Variants in LPP observed in about 807,000 individuals in gnomAD.
LPP encodes LIM domain containing preferred translocation partner in lipoma, also known as lipoma-preferred partner.
Under a neutral mutation model 60.4 loss-of-function variants are expected in LPP, and 38 were observed. That is an observed-to-expected ratio of 0.63 (90% CI 0.49 to 0.83). LPP has a LOEUF of 0.83. Ranked by LOEUF, LPP falls within the 40% of genes least tolerant of loss-of-function variation. The pLI is 0.00. For missense variants in LPP, 902 were observed against 783.6 expected, an observed-to-expected ratio of 1.15 and a Z score of -1.80; for synonymous variants, 328 against 290.8, an observed-to-expected ratio of 1.13 and a Z score of -1.30.
intron 5 of LPP, among the ~76,000 whole-genome samples, chr3:188,485,668 G>A (rs1437356754): frequency 6.6e-6 from 1 of 150,426 alleles, no homozygotes; most frequent in Non-Finnish European, 1.5e-5. Context: ...GTAGTGGCGG[G>A]CGCCTGTAGT....
intron 3 of LPP, among the ~76,000 whole-genome samples, chr3:188,403,343 A>G (rs1283750876): frequency 6.6e-6 from 1 of 152,216 alleles, no homozygotes; most frequent in African/African-American, 2.4e-5. Context: ...AAAAATGTGA[A>G]TCTTTGCTTA....
intron 6 of LPP, among the ~76,000 whole-genome samples, chr3:188,605,338 G>A (rs1842186892): frequency 6.6e-6 from 1 of 152,152 alleles, no homozygotes; most frequent in South Asian, 2.1e-4. Context: ...GGAGCAACAG[G>A]ATTTAGTTCT....
chr3:188,421,999 G>T (rs769093923), intron 4 of LPP, among the ~76,000 whole-genome samples: 4 of 152,156 alleles, frequency 2.6e-5, no homozygotes, highest in Non-Finnish European at 5.9e-5. Context: ...AACACTGTTG[G>T]CAGGGGAAGT....
intron 6 of LPP, among the ~76,000 whole-genome samples, chr3:188,548,173 G>A (rs75421995): frequency 3.6e-4 from 55 of 152,296 alleles, no homozygotes; most frequent in African/African-American, 1.3e-3. Context: ...AGGCGATATG[G>A]TGTGGTAGAT....
At chr3:188,372,018 T>G (rs1364148117) in intron 3 of LPP, among the ~76,000 whole-genome samples, 1 of 151,586 alleles carries the variant, frequency 6.6e-6, no homozygotes, top group Non-Finnish European at 1.5e-5. Context: ...TCTGGCCTAG[T>G]TTGTGGGGAG....
chr3:188,551,678 T>A (rs555166420), intron 6 of LPP, among the ~76,000 whole-genome samples: 2 of 152,046 alleles, frequency 1.3e-5, no homozygotes, highest in South Asian at 4.2e-4. Context: ...AGATGTACAG[T>A]TTGGTGTGTA....
At chr3:188,474,097 A>G (rs548999371) in intron 4 of LPP, among the ~76,000 whole-genome samples, 9 of 152,362 alleles carry the variant, frequency 5.9e-5, no homozygotes, top group African/African-American at 1.9e-4. Flanking sequence ...AAAGTTGACC[A>G]TGGGAAAAGT....
Position 188,524,682 on chromosome 3 carries a change from G to C in LPP, c.324G>C (p.Lys108Asn). The C allele has an allele frequency of 6.2e-7, 1 of 1,613,674 alleles. No homozygotes were observed. Among genetic ancestry groups the C allele is most frequent in the South Asian group, 1.1e-5 (1 of 91,020 alleles). ...AFKVQGNPGG[K>N]TLEERRSSLD... is the part of the protein sequence containing the mutation. ...TCCAACAGGGGAATCCCGGAGGCAA[G>C]ACACTTGAGGAGAGGCGCTCCAGCC... The change falls in exon 6 of 12, where the codon AAG becomes AAC. Residue 108 changes from lysine to asparagine, a missense_variant. Physicochemically the swap from Lys to Asn is moderately conservative, Grantham distance 94. Coordinates refer to ENST00000617246, the MANE Select transcript of LPP (RefSeq NM_001375462.1).
At chr3:188,647,191 C>T (rs904366050) in intron 7 of LPP, among the ~76,000 whole-genome samples, 1 of 152,228 alleles carries the variant, frequency 6.6e-6, no homozygotes, top group African/African-American at 2.4e-5. Flanking sequence ...ACTGCATTTC[C>T]CACCATCCAG....
chr3:188,727,726 G>A (rs1046718312), intron 8 of LPP, among the ~76,000 whole-genome samples: 8 of 152,084 alleles, frequency 5.3e-5, no homozygotes, highest in African/African-American at 1.9e-4. Context: ...TCACATAGCT[G>A]GTCTTACTTA....
intron 9 of LPP, among the ~76,000 whole-genome samples, chr3:188,861,495 T>C (rs1765184465): frequency 6.6e-6 from 1 of 152,226 alleles, no homozygotes; most frequent in African/African-American, 2.4e-5. Flanking sequence ...AAATGAAGAC[T>C]GTATATCTTG....
At chr3:188,863,914 CCAAA>C (rs1765897587) in intron 9 of LPP, among the ~76,000 whole-genome samples, 1 of 148,678 alleles carries the variant, frequency 6.7e-6, no homozygotes, top group Non-Finnish European at 1.5e-5. Context: ...CATTTTCTGG[CCAAA>C]CATTTTCTGG....
chr3:188,478,339 G>A (rs1008606182), intron 4 of LPP, among the ~76,000 whole-genome samples: 2 of 152,146 alleles, frequency 1.3e-5, no homozygotes, highest in African/African-American at 4.8e-5. Context: ...AGTCAATTTA[G>A]TGGGTCAGAA....
At chr3:188,460,639 AG>A (rs35534555) in intron 4 of LPP, among the ~76,000 whole-genome samples, 24,239 of 152,176 alleles carry the variant, frequency 0.16, 2,205 homozygotes, top group East Asian at 0.27. Flanking sequence ...TTGTTTCTGA[AG>A]GTGTATGTAT....
At chr3:188,475,656 A>C (rs1232313149) in intron 4 of LPP, among the ~76,000 whole-genome samples, 3 of 151,870 alleles carry the variant, frequency 2.0e-5, no homozygotes, top group Non-Finnish European at 4.4e-5. Context: ...TAATCCCAGC[A>C]CTTTGGGAGG....
At chr3:188,704,635 A>G (rs564587463) in intron 7 of LPP, among the ~76,000 whole-genome samples, 80 of 152,322 alleles carry the variant, frequency 5.3e-4, no homozygotes, top group African/African-American at 1.9e-3. Context: ...ACTCTTCTAA[A>G]AACACTTACC....
At chr3:188,299,018 T>A (rs953657144) in intron 2 of LPP, among the ~76,000 whole-genome samples, 2 of 152,128 alleles carry the variant, frequency 1.3e-5, no homozygotes, top group African/African-American at 4.8e-5. Flanking sequence ...ATACACACAC[T>A]CTCTCTCTAA....
intron 5 of LPP, among the ~76,000 whole-genome samples, chr3:188,495,076 A>ATATATATATATATATATATT (rs1414695615): frequency 2.0e-5 from 2 of 100,838 alleles, no homozygotes; most frequent in African/African-American, 5.7e-5. Flanking sequence ...ATATATATAT[A>ATATATATATATATATATATT]TATATATTTT....
intron 1 of LPP, among the ~76,000 whole-genome samples, chr3:188,181,129 C>T (rs369918998): frequency 6.6e-5 from 10 of 151,792 alleles, no homozygotes; most frequent in Non-Finnish European, 5.9e-5. Context: ...CCGAGGTGGG[C>T]GGATCACGAG....
Sources: allele counts gnomAD v4.1 joint callset (sites outside exome capture counted in the v4.1 genomes callset), GRCh38; gene constraint gnomAD v4.1.1; transcripts MANE v1.5; gene names NCBI Gene and HGNC (gene_info 2026-07-23, HGNC 2026-07-21).